The following SLC2A13 variants were observed in gnomAD, a reference collection of about 807,000 sequenced individuals.
SLC2A13 encodes the protein solute carrier family 2 member 13, also known as proton myo-inositol cotransporter.
In SLC2A13, 32 loss-of-function variants were observed where a neutral mutation model predicts 64.4. That is an observed-to-expected ratio of 0.50 (90% CI 0.37 to 0.67). SLC2A13 has a LOEUF of 0.67. SLC2A13 is among the 30% of genes least tolerant of loss of function. SLC2A13 has a pLI of 0.00. For synonymous variants in SLC2A13, 338 were observed against 327.1 expected, an observed-to-expected ratio of 1.03 and a Z score of -0.36; for missense variants, 743 against 829.2, an observed-to-expected ratio of 0.90 and a Z score of 1.28.
intron 2 of SLC2A13, among the ~76,000 whole-genome samples, chr12:40,047,563 C>CAAAT (rs1948189987): frequency 6.6e-6 from 1 of 151,982 alleles, no homozygotes; most frequent in African/African-American, 2.4e-5. Context: ...CAAAATAAGC[C>CAAAT]AAATATCAAG....
chr12:39,949,055 G>A (rs1329285475), intron 4 of SLC2A13, among the ~76,000 whole-genome samples: 3 of 152,094 alleles, frequency 2.0e-5, no homozygotes, highest in Non-Finnish European at 1.5e-5. Flanking sequence ...TTACATGAGA[G>A]TCCCAGATTA....
intron 1 of SLC2A13, among the ~76,000 whole-genome samples, chr12:40,086,082 C>T (rs1404877363): frequency 6.6e-6 from 1 of 152,146 alleles, no homozygotes; most frequent in Non-Finnish European, 1.5e-5. Context: ...CGTGATCCAC[C>T]GGCCTCGGCC....
intron 7 of SLC2A13, among the ~76,000 whole-genome samples, chr12:39,816,850 T>C (rs1342723813): frequency 6.6e-6 from 1 of 152,120 alleles, no homozygotes; most frequent in Non-Finnish European, 1.5e-5. Context: ...ATTCTAAACA[T>C]TTGAAAGATT....
chr12:39,926,451 A>G (rs889747955), intron 4 of SLC2A13, among the ~76,000 whole-genome samples: 3 of 152,184 alleles, frequency 2.0e-5, no homozygotes, highest in African/African-American at 7.2e-5. Context: ...ACAAAATGCA[A>G]GCACAGATAT....
chr12:39,896,184 A>G (rs1944835776), intron 4 of SLC2A13, among the ~76,000 whole-genome samples: 1 of 148,752 alleles, frequency 6.7e-6, no homozygotes, highest in Non-Finnish European at 1.5e-5. Flanking sequence ...ATATGTATAT[A>G]TGTATATATG....
intron 7 of SLC2A13, among the ~76,000 whole-genome samples, chr12:39,773,270 T>G (rs868274644): frequency 6.6e-6 from 1 of 152,172 alleles, no homozygotes; most frequent in Non-Finnish European, 1.5e-5. Context: ...CAGAATTGCA[T>G]GCAATCAGGT....
Position 39,764,958 on chromosome 12 carries a change from CT to C in SLC2A13, c.1446-101del. The C allele has an allele frequency of 6.1e-6, 8 of 1,307,780 alleles. 1 individual carries two copies. The South Asian group carries it at 1.2e-4, about 20-fold the overall frequency. 81.0% of individuals were successfully genotyped at this position (1,307,780 alleles called of 1,614,324 possible). On this transcript the variant is annotated intron_variant, in intron 7 of 9. Transcript: ENST00000280871. ...TATGTATTTGGAAATTCCTTAATGT[CT>C]TAAGAGTCCAAAATGTTTTTCTTAA...
intron 1 of SLC2A13, among the ~76,000 whole-genome samples, chr12:40,069,086 A>T (rs892206011): frequency 3.3e-5 from 5 of 152,110 alleles, no homozygotes; most frequent in African/African-American, 9.7e-5. Flanking sequence ...TATACTTCAT[A>T]CTATAGTTAT....
chr12:39,852,224 C>T (rs562877205), intron 6 of SLC2A13, among the ~76,000 whole-genome samples: 2 of 152,238 alleles, frequency 1.3e-5, no homozygotes. Context: ...CAAACTGAGT[C>T]CATAAGGGAG....
chr12:39,957,454 C>T (rs186442346), intron 3 of SLC2A13, among the ~76,000 whole-genome samples: 61 of 152,256 alleles, frequency 4.0e-4, no homozygotes, highest in African/African-American at 1.1e-3. Flanking sequence ...GTGCTCCTTA[C>T]GACTGCAATT....
intron 1 of SLC2A13, among the ~76,000 whole-genome samples, chr12:40,075,389 C>A (rs1451019169): frequency 1.3e-5 from 2 of 152,196 alleles, no homozygotes; most frequent in Non-Finnish European, 2.9e-5. Flanking sequence ...GCTGTATCCA[C>A]CTGCCTCTCC....
intron 3 of SLC2A13, among the ~76,000 whole-genome samples, chr12:39,995,123 G>T (rs1175534587): frequency 6.6e-6 from 1 of 152,064 alleles, no homozygotes; most frequent in African/African-American, 2.4e-5. Flanking sequence ...AATAATACAC[G>T]TTGTGCAGGT....
chr12:39,798,174 A>G (rs1941645652), intron 7 of SLC2A13, among the ~76,000 whole-genome samples: 2 of 152,340 alleles, frequency 1.3e-5, no homozygotes, highest in South Asian at 4.1e-4. Flanking sequence ...TCGGACAACA[A>G]CCAGCATTAA....
intron 7 of SLC2A13, among the ~76,000 whole-genome samples, chr12:39,789,692 C>T (rs1021707346): frequency 3.9e-5 from 6 of 152,130 alleles, no homozygotes; most frequent in Admixed American, 1.3e-4. Flanking sequence ...GAACTCTATA[C>T]TACAACCTAG....
chr12:40,000,591 A>G (rs1339838232), intron 3 of SLC2A13, among the ~76,000 whole-genome samples: 1 of 152,102 alleles, frequency 6.6e-6, no homozygotes, highest in Non-Finnish European at 1.5e-5. Context: ...AAAGTCCAAG[A>G]TCATGGCATT....
Position 39,975,558 on chromosome 12 carries a change from A to C in SLC2A13, c.926-24193T>G, listed in dbSNP as rs187704476. ...GGCAAGCCCCATTAATTCTAATTAA[A>C]GCTTCCCATTGCCAGCTTATCCTTG... is the stretch of plus-strand genomic sequence containing the variant. On this transcript the variant is annotated intron_variant, in intron 3 of 9. Transcript: ENST00000280871. Among the ~76,000 whole-genome samples, 3 of 152,330 alleles carry C rather than the reference A, an allele frequency of 2.0e-5. No homozygotes were observed. In the East Asian group the frequency reaches 5.8e-4, roughly 29 times the overall value.
rs980705510 is a variant in SLC2A13, at chr12:39,758,034, T to C, written c.*1992A>G. The C allele has an allele frequency of 1.2e-4, 18 of 151,876 alleles. No homozygotes were observed. The highest frequency in any genetic ancestry group is 1.3e-4 in the Admixed American group (2 of 15,226). The allele number at this position is 151,876 out of a possible 1,614,324, so 9.4% of individuals were successfully genotyped here. On this transcript the variant is annotated 3_prime_UTR_variant, in exon 10 of 10. Transcript: ENST00000280871. ...CTGTGTAAAATATTAGATAAGAAAT[T>C]TCTTATGAGATAAGAAATATCAATA...
intron 3 of SLC2A13, among the ~76,000 whole-genome samples, chr12:40,006,191 G>C (rs766296083): frequency 2.7e-4 from 41 of 152,112 alleles, no homozygotes; most frequent in Non-Finnish European, 5.0e-4. Context: ...ATGTTTACAG[G>C]AGCTCACTGG....
intron 2 of SLC2A13, among the ~76,000 whole-genome samples, chr12:40,047,665 G>C (rs1286468874): frequency 1.3e-5 from 2 of 152,078 alleles, no homozygotes; most frequent in African/African-American, 4.8e-5. Flanking sequence ...TCAAAATGTA[G>C]CTTCCAGAAT....
Sources: allele counts gnomAD v4.1 joint callset (sites outside exome capture counted in the v4.1 genomes callset), GRCh38; gene constraint gnomAD v4.1.1; transcripts MANE v1.5; gene names NCBI Gene and HGNC (gene_info 2026-07-23, HGNC 2026-07-21).